PCSK5: variants seen among roughly 807,000 people sequenced by gnomAD.
The protein encoded by PCSK5 is proprotein convertase subtilisin/kexin type 5.
Under a neutral mutation model 233.2 loss-of-function variants are expected in PCSK5, and 129 were observed. That is an observed-to-expected ratio of 0.55 (90% CI 0.48 to 0.64). The LOEUF is 0.64. Ranked by LOEUF, PCSK5 falls within the 30% of genes least tolerant of loss-of-function variation. The pLI is 0.00. For missense variants in PCSK5, 2,076 were observed against 2,430.1 expected, an observed-to-expected ratio of 0.85 and a Z score of 3.06; for synonymous variants, 825 against 879.2, an observed-to-expected ratio of 0.94 and a Z score of 1.09.
intron 5 of PCSK5, among the ~76,000 whole-genome samples, chr9:76,044,133 C>A (rs1158791944): frequency 1.3e-5 from 2 of 152,212 alleles, no homozygotes; most frequent in East Asian, 1.9e-4. Flanking sequence ...TCTTAAATAG[C>A]ATAAGCAGAA....
intron 9 of PCSK5, among the ~76,000 whole-genome samples, chr9:76,117,419 G>A (rs1832470801): frequency 1.3e-5 from 2 of 152,066 alleles, no homozygotes; most frequent in Non-Finnish European, 1.5e-5. Context: ...ATGAATAATG[G>A]CAAATAGGGA....
intron 24 of PCSK5, among the ~76,000 whole-genome samples, chr9:76,245,105 T>C (rs997622927): frequency 6.6e-6 from 1 of 152,214 alleles, no homozygotes; most frequent in Non-Finnish European, 1.5e-5. Flanking sequence ...GCAATAGCTA[T>C]GACTCTTAAC....
At chr9:76,056,913 G>C (rs1379961184) in intron 5 of PCSK5, among the ~76,000 whole-genome samples, 2 of 152,180 alleles carry the variant, frequency 1.3e-5, no homozygotes, top group East Asian at 3.9e-4. Context: ...GTTGTCTTCT[G>C]GAAGTCTAGG....
chr9:76,335,303 G>C (rs543344672), intron 34 of PCSK5, among the ~76,000 whole-genome samples: 1 of 152,124 alleles, frequency 6.6e-6, no homozygotes, highest in East Asian at 1.9e-4. Context: ...AGTTCCCCAG[G>C]GCTGGTGGGG....
intron 20 of PCSK5, among the ~76,000 whole-genome samples, chr9:76,225,278 C>G (rs1221676006): frequency 6.6e-6 from 1 of 152,164 alleles, no homozygotes; most frequent in Non-Finnish European, 1.5e-5. Flanking sequence ...TCTACATCTC[C>G]CTTAGTAGCT....
Position 76,334,084 on chromosome 9 carries a change from G to A in PCSK5, c.4748+1474G>A, listed in dbSNP as rs756207166. On this transcript the variant is annotated intron_variant, in intron 34 of 37. Transcript: ENST00000674117. ...GCAAGTCACATCTTATGTGGATAGCGGCAGGCAAAGAGAGAGAATGAGAGC... is the reference window on the plus strand; with the variant it reads ...GCAAGTCACATCTTATGTGGATAGCAGCAGGCAAAGAGAGAGAATGAGAGC... 2.0e-4 allele frequency among the ~76,000 whole-genome samples: 31 copies of A among 152,090 alleles called. 1 individual carries two copies. Among genetic ancestry groups the A allele is most frequent in the South Asian group, 4.1e-4 (2 of 4,828 alleles).
intron 33 of PCSK5, among the ~76,000 whole-genome samples, chr9:76,331,178 T>C (rs1355692929): frequency 6.6e-6 from 1 of 152,124 alleles, no homozygotes; most frequent in Non-Finnish European, 1.5e-5. Context: ...AATTAGATAC[T>C]TTTTTTGGAC....
Position 76,169,751 on chromosome 9 carries a change from C to T in PCSK5, c.1667C>T (p.Thr556Ile). The T allele has an allele frequency of 6.2e-7, 1 of 1,613,148 alleles. No homozygotes were observed. Residue 556 changes from threonine to isoleucine, a missense_variant, in exon 13 of 38, where the codon ACC (threonine) becomes ATC (isoleucine). Physicochemically the swap from Thr to Ile is moderately conservative, Grantham distance 89. Coordinates refer to ENST00000674117, the MANE Select transcript of PCSK5 (RefSeq NM_001372043.1). ...GGATTCAAAAACTGGGAGTTCATGA[C>T]CATTCATTGCTGGGGAGAAAGAGCT... The part of the protein sequence containing the change: ...MEGFKNWEFM[T>I]IHCWGERAAG...
intron 9 of PCSK5, among the ~76,000 whole-genome samples, chr9:76,124,424 G>A (rs915077349): frequency 6.6e-6 from 1 of 151,946 alleles, no homozygotes; most frequent in African/African-American, 2.4e-5. Flanking sequence ...CCATCGGCTT[G>A]TCTTCCTTGT....
chr9:76,212,388 T>A (rs920790773), intron 20 of PCSK5, among the ~76,000 whole-genome samples: 2 of 152,236 alleles, frequency 1.3e-5, no homozygotes, highest in Non-Finnish European at 2.9e-5. Flanking sequence ...GTTGTGTGTC[T>A]TGTTGATATC....
intron 20 of PCSK5, among the ~76,000 whole-genome samples, chr9:76,207,973 T>C (rs970121023): frequency 1.3e-5 from 2 of 152,198 alleles, no homozygotes; most frequent in African/African-American, 4.8e-5. Context: ...GCCTTCTTGC[T>C]ATATCATAAC....
Position 76,095,894 on chromosome 9 carries a change from G to A in PCSK5, c.899G>A (p.Arg300Gln). 1.9e-6 allele frequency: 3 copies of A among 1,613,894 alleles called. No individual in the cohort carries two copies. Among genetic ancestry groups the A allele is most frequent in the Non-Finnish European group, 1.7e-6 (2 of 1,179,834 alleles). Residue 300 changes from arginine (R) to glutamine (Q), a missense_variant, in exon 8 of 38, where the codon CGG (arginine) becomes CAG (glutamine). Physicochemically the swap from Arg to Gln is conservative, Grantham distance 43 (BLOSUM62 1). Around this residue, in one of 6 missense-constraint regions of PCSK5, gnomAD observed 178 missense variants for 393.6 expected, o/e 0.45. Coordinates refer to ENST00000674117, the MANE Select transcript of PCSK5 (RefSeq NM_001372043.1). ...QAFENGVRMG[R>Q]RGLGSVFVWA... is the part of the protein sequence containing the mutation. Reference sequence around the variant, plus strand: ...GCTTTCTCTGTTTGTGAACAGGGGCGGAGAGGCCTCGGCTCTGTGTTTGTT... The same window carrying A: ...GCTTTCTCTGTTTGTGAACAGGGGCAGAGAGGCCTCGGCTCTGTGTTTGTT...
chr9:76,189,796 T>C (rs1022219374), intron 20 of PCSK5, 50 bp downstream of exon 20: 14 of 671,648 alleles, frequency 2.1e-5, no homozygotes, highest in Non-Finnish European at 3.6e-5. Flanking sequence ...ATGATCTTTC[T>C]ACTTTCAGGA....
intron 24 of PCSK5, among the ~76,000 whole-genome samples, chr9:76,246,272 A>T (rs1826589459): frequency 6.8e-6 from 1 of 147,484 alleles, no homozygotes; most frequent in Admixed American, 6.9e-5. Context: ...AACCCAGGAG[A>T]CAGAAGTTGC....
At chr9:75,904,007 T>G (rs944694153) in intron 1 of PCSK5, among the ~76,000 whole-genome samples, 4 of 152,152 alleles carry the variant, frequency 2.6e-5, no homozygotes, top group African/African-American at 9.7e-5. Flanking sequence ...CACTTAGGAT[T>G]TATTACAGGC....
chr9:76,322,279 C>T (rs1206553438), intron 31 of PCSK5, among the ~76,000 whole-genome samples: 1 of 152,156 alleles, frequency 6.6e-6, no homozygotes, highest in Non-Finnish European at 1.5e-5. Context: ...CAAAATCTTA[C>T]AGACTGATAG....
intron 18 of PCSK5, 135 bp downstream of exon 18, chr9:76,188,810 G>C (rs1434347497): frequency 1.5e-6 from 1 of 681,338 alleles, no homozygotes; most frequent in Admixed American, 2.6e-5. Context: ...TTTGATAATT[G>C]TGTGTGTATT....
chr9:75,943,019 G>A (rs1339628648), intron 2 of PCSK5, among the ~76,000 whole-genome samples: 2 of 151,566 alleles, frequency 1.3e-5, no homozygotes, highest in Non-Finnish European at 2.9e-5. Flanking sequence ...TGGGTAGCTG[G>A]GATTACAGGC....
At chr9:76,016,667 A>G (rs952123922) in intron 3 of PCSK5, among the ~76,000 whole-genome samples, 8 of 152,222 alleles carry the variant, frequency 5.3e-5, no homozygotes, top group Non-Finnish European at 1.2e-4. Context: ...AGGTGACACA[A>G]GATGTGTTTC....
Sources: gnomAD v4.1 joint callset for allele counts (sites outside exome capture counted in the v4.1 genomes callset) on GRCh38, gnomAD v4.1.1 for gene constraint, gnomAD v4.1.1 regional missense constraint, MANE v1.5 for transcripts, NCBI Gene and HGNC (gene_info 2026-07-23, HGNC 2026-07-21) for gene names.